The following TMEM258 variants were observed in gnomAD, a reference collection of about 807,000 sequenced individuals.
The protein encoded by TMEM258 is dolichyl-diphosphooligosaccharide--protein glycosyltransferase subunit TMEM258.
In TMEM258, 11 loss-of-function variants were observed where a neutral mutation model predicts 9.9. The ratio of observed to expected loss-of-function variants is 1.11; its 90% confidence interval spans 0.70 to 1.85. The LOEUF is 1.85. TMEM258 is among the 40% of genes most tolerant of loss of function. The pLI, the probability that TMEM258 is intolerant of heterozygous loss-of-function variation, is 0.00. For synonymous variants in TMEM258, 40 were observed against 39.1 expected (o/e 1.02, Z -0.09); for missense variants, 81 against 99.7 (o/e 0.81, Z 0.80).
chr11:61,790,802 C>G (rs2066778551), intron 1 of TMEM258, among the ~76,000 whole-genome samples, 200 bp from the exon 2 acceptor site: 1 of 152,140 alleles, frequency 6.6e-6, no homozygotes, highest in African/African-American at 2.4e-5. Flanking sequence ...ACTAAAGGTA[C>G]GAACTCTCTG....
rs2135926608 is a variant in TMEM258 at position 61,790,585 on chromosome 11, G to A, written c.21C>T (p.Ser7=). MELEAM[S]RYTSPVNPAV... is the part of the protein sequence containing the mutation. The stretch of plus-strand genomic sequence containing the variant: ...CTGGGTTCACTGGGCTGGTATATCT[G>A]CTCATGGCCTCGAGCTCCTAGAGGA... Residue 7 remains serine, a synonymous_variant, in exon 2 of 4, where the codon AGC becomes AGT. Transcript: ENST00000537328. 2 of 1,613,928 alleles carry A rather than the reference G, an allele frequency of 1.2e-6. No individual in the cohort carries two copies. The highest frequency in any genetic ancestry group is 1.1e-5 in the South Asian group (1 of 90,998).
intron 1 of TMEM258, among the ~76,000 whole-genome samples, chr11:61,791,265 T>G (rs1238696751): frequency 6.6e-6 from 1 of 151,534 alleles, no homozygotes. Flanking sequence ...CTCAATTTTT[T>G]TTTTTTTCCA....
chr11:61,792,356 C>T (rs1299093640), intron 1 of TMEM258, 200 bp downstream of exon 1: 1 of 654,272 alleles, frequency 1.5e-6, no homozygotes, highest in Non-Finnish European at 2.7e-6. Flanking sequence ...CCACGCCTCT[C>T]GCCCTTAGAA....
In TMEM258 at chr11:61,790,519, G is replaced by A; in HGVS notation, c.87C>T (p.Gly29=). Residue 29 remains glycine, a synonymous_variant, in exon 2 of 4, where the codon GGC becomes GGT. Transcript: ENST00000537328. ...PHLTVVLLAI[G]MFFTAWFFVY... ...CGAAGAACCAGGCGGTGAAGAACAT[G>A]CCAATGGCCAAAAGCACCACGGTCA... 6.2e-7 allele frequency: 1 copy of A among 1,614,070 alleles called. No homozygotes were observed. The highest frequency in any genetic ancestry group is 8.5e-7 in the Non-Finnish European group (1 of 1,179,958).
chr11:61,791,568 T>C (rs995307997), intron 1 of TMEM258: 11 of 152,222 alleles, frequency 7.2e-5, no homozygotes, highest in African/African-American at 2.2e-4. Flanking sequence ...GGCCCTCAAT[T>C]TCTAATTCAG....
intron 1 of TMEM258, chr11:61,791,398 G>C (rs893338187): frequency 6.6e-6 from 1 of 152,032 alleles, no homozygotes; most frequent in Non-Finnish European, 1.5e-5. Context: ...GAGCAGCTGG[G>C]ATTACAGGCG....
At chr11:61,790,310 C>T (rs577867008) in intron 2 of TMEM258, 183 bp downstream of exon 2, 3 of 637,606 alleles carry the variant, frequency 4.7e-6, no homozygotes, top group African/African-American at 3.6e-5. Flanking sequence ...ACTGAGCTCA[C>T]CTGAACTTGG....
At chr11:61,792,435 C>T (rs1232495188) in intron 1 of TMEM258, 121 bp downstream of exon 1, 1 of 1,435,302 alleles carries the variant, frequency 7.0e-7, no homozygotes, top group African/African-American at 1.4e-5. Context: ...TCAGCCCAAG[C>T]CGGAGGTTCC....
At position 61,792,553 on chromosome 11, in the gene TMEM258, C is replaced by G; in HGVS notation, c.3+3G>C. The stretch of plus-strand genomic sequence containing the variant: ...CGTCTGGAACTCCCCTCAACGCTCT[C>G]ACCATTTTGCCCCGCGAAGGCTAAT... On this transcript the variant is annotated splice_donor_region_variant and intron_variant, in intron 1 of 3. Transcript: ENST00000537328. The G allele has an allele frequency of 6.2e-7, 1 of 1,613,980 alleles. No homozygotes were observed. Among genetic ancestry groups the G allele is most frequent in the Non-Finnish European group, 8.5e-7 (1 of 1,180,012 alleles).
In TMEM258 at chr11:61,789,931, G is replaced by A; in HGVS notation, c.114-10C>T. 1 of 1,611,398 alleles carries A rather than the reference G, an allele frequency of 6.2e-7. No homozygotes were observed. Among genetic ancestry groups the A allele is most frequent in the Admixed American group, 1.7e-5 (1 of 59,662 alleles). ...AGAGGTGACCTCGTAACTGGGCACAGCAGTTAAGGCAAAGCGAAGGGGTGG... is the reference window on the plus strand; with the variant it reads ...AGAGGTGACCTCGTAACTGGGCACAACAGTTAAGGCAAAGCGAAGGGGTGG... On this transcript the variant is annotated splice_polypyrimidine_tract_variant and intron_variant, in intron 2 of 3. Coordinates refer to ENST00000537328, the MANE Select transcript of TMEM258 (RefSeq NM_014206.4).
chr11:61,789,544 C>T (rs2066765485), intron 3 of TMEM258, among the ~76,000 whole-genome samples: 2 of 152,350 alleles, frequency 1.3e-5, no homozygotes, highest in South Asian at 4.1e-4. Context: ...ATCCCAAAGG[C>T]AGATCGAGGC....
At chr11:61,789,581 G>A (rs952839893) in intron 3 of TMEM258, 3 of 572,292 alleles carry the variant, frequency 5.2e-6, no homozygotes, top group African/African-American at 3.8e-5. Flanking sequence ...TCAGAACTGA[G>A]AGTCACATTT....
intron 2 of TMEM258, 53 bp downstream of exon 2, chr11:61,790,438 CCT>C: frequency 6.5e-7 from 1 of 1,538,664 alleles, no homozygotes; most frequent in Non-Finnish European, 8.9e-7. Flanking sequence ...GTGGTTTCTC[CCT>C]GAGCTTCCCA....
chr11:61,790,541 G>A lies in TMEM258; in HGVS notation c.65C>T (p.Thr22Ile), dbSNP rs1411660398. ...CATGCCAATGGCCAAAAGCACCACGGTCAGATGGGGGAAGACAGCTGGGTT... is the reference window on the plus strand; with the variant it reads ...CATGCCAATGGCCAAAAGCACCACGATCAGATGGGGGAAGACAGCTGGGTT... ...PVNPAVFPHL[T>I]VVLLAIGMFF... is the part of the protein sequence containing the mutation. The change falls in exon 2 of 4, where the codon ACC becomes ATC. Residue 22 changes from threonine (T) to isoleucine (I), a missense_variant. Transcript: ENST00000537328. 1.9e-6 allele frequency: 3 copies of A among 1,614,020 alleles called. No homozygotes were observed. The highest frequency in any genetic ancestry group is 2.5e-6 in the Non-Finnish European group (3 of 1,180,016).
At position 61,789,860 on chromosome 11, in the gene TMEM258, C is replaced by T. The variant is rs1405405794; in HGVS notation, c.175G>A (p.Val59Met). 6.2e-7 allele frequency: 1 copy of T among 1,613,700 alleles called. No individual in the cohort carries two copies. Among genetic ancestry groups the T allele is most frequent in the East Asian group, 2.2e-5 (1 of 44,876 alleles). Reference protein sequence around the residue: ...DIYKELLISLVASLFMGFGVL... With the variant: ...DIYKELLISLMASLFMGFGVL... ...CCAAAGCCCATGAAGAGTGAGGCCA[C>T]TAAGGAGATGAGGAGCTCTTTATAG... Residue 59 changes from valine (V) to methionine (M), a missense_variant, in exon 3 of 4, where the codon GTG (valine) becomes ATG (methionine). Transcript: ENST00000537328.
rs142947187 is a variant in TMEM258, at chr11:61,789,892, C to T, written c.143G>A (p.Arg48His). The change falls in exon 3 of 4, where the codon CGT becomes CAT. Residue 48 changes from arginine (R) to histidine (H), a missense_variant. Transcript: ENST00000537328. ...GATGAGGAGCTCTTTATAGATATCA[C>T]GAGTGTACTTGGTAGAGGTGACCTC... The part of the protein sequence containing the change: ...VYEVTSTKYT[R>H]DIYKELLISL... 915 of 1,613,236 alleles carry T rather than the reference C, an allele frequency of 5.7e-4. 1 individual carries two copies. Among genetic ancestry groups the T allele is most frequent in the Non-Finnish European group, 7.2e-4 (846 of 1,179,676 alleles).
At chr11:61,789,403 T>G (rs933072050) in intron 3 of TMEM258, among the ~76,000 whole-genome samples, 168 bp from the exon 4 acceptor site, 3 of 152,212 alleles carry the variant, frequency 2.0e-5, no homozygotes, top group Non-Finnish European at 4.4e-5. Context: ...GCAGCAAGTT[T>G]TAAGCCCTGG....
intron 1 of TMEM258, among the ~76,000 whole-genome samples, chr11:61,790,937 AAT>A (rs1234357809): frequency 1.3e-5 from 2 of 151,932 alleles, no homozygotes; most frequent in African/African-American, 4.8e-5. Context: ...CCCAGATCTC[AAT>A]ATCTTTTTTT....
chr11:61,790,034 C>G, intron 2 of TMEM258, 113 bp from the exon 3 acceptor site: 2 of 1,375,828 alleles, frequency 1.5e-6, no homozygotes, highest in Non-Finnish European at 1.9e-6. Context: ...GGAGGCCTAT[C>G]TGGCTCAGAG....
Sources: gnomAD v4.1 joint callset for allele counts (sites outside exome capture counted in the v4.1 genomes callset) on GRCh38, gnomAD v4.1.1 for gene constraint, MANE v1.5 for transcripts, NCBI Gene and HGNC (gene_info 2026-07-23, HGNC 2026-07-21) for gene names.